CNTNAP2: variants seen among roughly 807,000 people sequenced by gnomAD.
CNTNAP2 encodes contactin associated protein 2.
In CNTNAP2, 98 loss-of-function variants were observed where a neutral mutation model predicts 155.2. The ratio of observed to expected loss-of-function variants is 0.63; its 90% CI spans 0.54 to 0.75. CNTNAP2 has a LOEUF of 0.75. Among genes scored for constraint, CNTNAP2 ranks in the 30% least tolerant of loss-of-function variants. The pLI is 0.00. For synonymous variants in CNTNAP2, 651 were observed against 631.2 expected, an observed-to-expected ratio of 1.03 and a Z score of -0.47; for missense variants, 1,727 against 1,688.1, an observed-to-expected ratio of 1.02 and a Z score of -0.40.
At chr7:148,060,653 T>A (rs1803112012) in intron 15 of CNTNAP2, among the ~76,000 whole-genome samples, 1 of 152,242 alleles carries the variant, frequency 6.6e-6, no homozygotes, top group South Asian at 2.1e-4. Context: ...TCTGTATGCA[T>A]ATTTTAATAG....
chr7:148,015,595 G>A (rs1424322280), intron 15 of CNTNAP2, among the ~76,000 whole-genome samples: 2 of 152,158 alleles, frequency 1.3e-5, no homozygotes, highest in South Asian at 4.1e-4. Context: ...CCCTTAATTT[G>A]TATCCAGTGT....
At chr7:148,032,988 CAG>C (rs550764101) in intron 15 of CNTNAP2, among the ~76,000 whole-genome samples, 138 of 152,286 alleles carry the variant, frequency 9.1e-4, no homozygotes, top group Non-Finnish European at 1.5e-3. Context: ...AGGTTCCACG[CAG>C]ACAGAGTGAC....
chr7:146,544,683 G>T (rs1413441160), intron 1 of CNTNAP2, among the ~76,000 whole-genome samples: 1 of 151,932 alleles, frequency 6.6e-6, no homozygotes, highest in Non-Finnish European at 1.5e-5. Context: ...AAGAAAAGCA[G>T]GGCCTTTATC....
chr7:146,907,255 A>C (rs1322626171), intron 3 of CNTNAP2, among the ~76,000 whole-genome samples: 1 of 148,562 alleles, frequency 6.7e-6, no homozygotes, highest in Admixed American at 6.7e-5. Flanking sequence ...AACTTCCCCA[A>C]TCTAGCAAGG....
chr7:147,946,816 G>T (rs1290941803), intron 14 of CNTNAP2, among the ~76,000 whole-genome samples: 1 of 152,122 alleles, frequency 6.6e-6, no homozygotes, highest in African/African-American at 2.4e-5. Flanking sequence ...CCCTCTAAAG[G>T]TTAGCTGAAA....
At chr7:147,101,795 C>T (rs1489989116) in intron 4 of CNTNAP2, among the ~76,000 whole-genome samples, 1 of 152,124 alleles carries the variant, frequency 6.6e-6, no homozygotes, top group Non-Finnish European at 1.5e-5. Context: ...TGCTGTGCCG[C>T]TCTTCTGTTC....
intron 12 of CNTNAP2, among the ~76,000 whole-genome samples, chr7:147,634,425 G>T (rs1219328488): frequency 6.6e-6 from 1 of 152,092 alleles, no homozygotes; most frequent in Non-Finnish European, 1.5e-5. Context: ...GCATAACAAT[G>T]ATATAATGGA....
intron 18 of CNTNAP2, among the ~76,000 whole-genome samples, chr7:148,194,408 G>T (rs1043405949): frequency 6.6e-6 from 1 of 152,054 alleles, no homozygotes; most frequent in Admixed American, 6.6e-5. Flanking sequence ...TGTCTTATAT[G>T]TCTTAGTTTT....
chr7:146,838,656 AAAG>A (rs1401767096), intron 2 of CNTNAP2, among the ~76,000 whole-genome samples: 1 of 152,230 alleles, frequency 6.6e-6, no homozygotes, highest in African/African-American at 2.4e-5. Context: ...AATTTTAAAA[AAAG>A]CTATTCTATC....
At chr7:147,432,345 C>G (rs1156302756) in intron 10 of CNTNAP2, among the ~76,000 whole-genome samples, 1 of 152,108 alleles carries the variant, frequency 6.6e-6, no homozygotes, top group Non-Finnish European at 1.5e-5. Context: ...GCCAAATCAG[C>G]CCTTACTGAG....
intron 21 of CNTNAP2, among the ~76,000 whole-genome samples, chr7:148,347,738 T>C (rs925180389): frequency 6.6e-6 from 1 of 152,136 alleles, no homozygotes; most frequent in Non-Finnish European, 1.5e-5. Flanking sequence ...GAGACCAACA[T>C]AGAGAAAAGC....
chr7:146,904,668 T>G (rs1393316837), intron 3 of CNTNAP2, among the ~76,000 whole-genome samples: 1 of 152,114 alleles, frequency 6.6e-6, no homozygotes, highest in African/African-American at 2.4e-5. Context: ...AGACGGGGTT[T>G]CACTGTATTA....
At chr7:146,398,723 C>G (rs1795670358) in intron 1 of CNTNAP2, among the ~76,000 whole-genome samples, 1 of 151,912 alleles carries the variant, frequency 6.6e-6, no homozygotes, top group African/African-American at 2.4e-5. Flanking sequence ...TGATAATAAA[C>G]TAGTTAGGTC....
At chr7:148,204,967 A>G (rs980958284) in intron 18 of CNTNAP2, among the ~76,000 whole-genome samples, 54 of 152,232 alleles carry the variant, frequency 3.5e-4, no homozygotes, top group Admixed American at 2.6e-3. Context: ...AAATGAGATA[A>G]AAAGTGCCCA....
chr7:147,111,590 A>C (rs963541204), intron 5 of CNTNAP2, among the ~76,000 whole-genome samples: 1 of 152,188 alleles, frequency 6.6e-6, no homozygotes, highest in Non-Finnish European at 1.5e-5. Context: ...GCATATGACT[A>C]GCCAGTTCTT....
At chr7:146,708,987 G>A (rs1200051510) in intron 1 of CNTNAP2, among the ~76,000 whole-genome samples, 1 of 151,992 alleles carries the variant, frequency 6.6e-6, no homozygotes, top group Non-Finnish European at 1.5e-5. Flanking sequence ...GATCACTATG[G>A]GAATTAAATA....
intron 11 of CNTNAP2, among the ~76,000 whole-genome samples, chr7:147,505,621 A>G (rs2116677957): frequency 6.6e-6 from 1 of 152,294 alleles, no homozygotes; most frequent in South Asian, 2.1e-4. Context: ...AAATGGAAGA[A>G]ATGTATCTGT....
chr7:146,974,243 C>A (rs1002092631), intron 3 of CNTNAP2, among the ~76,000 whole-genome samples: 7 of 151,728 alleles, frequency 4.6e-5, no homozygotes, highest in South Asian at 2.1e-4. Context: ...GTCAGGAGTT[C>A]AAGACCAGCC....
chr7:147,800,363 G>T (rs1797964818), intron 13 of CNTNAP2, among the ~76,000 whole-genome samples: 2 of 151,942 alleles, frequency 1.3e-5, no homozygotes, highest in Non-Finnish European at 2.9e-5. Flanking sequence ...AGGAGGAAAT[G>T]AGATTTTTTT....
Sources: allele counts gnomAD v4.1 joint callset (sites outside exome capture counted in the v4.1 genomes callset), GRCh38; gene constraint gnomAD v4.1.1; transcripts MANE v1.5; gene names NCBI Gene and HGNC (gene_info 2026-07-23, HGNC 2026-07-21).